The following AFG2A variants were observed in gnomAD, a reference collection of about 807,000 sequenced individuals.
AFG2A encodes the protein AAA ATPase AFG2A, also known as ATPase family gene 2 protein homolog A.
the AFG2A span, among the ~76,000 whole-genome samples, chr4:122,943,359 G>T: frequency 1.2e-3 from 183 of 152,210 alleles, 1 homozygote; most frequent in African/African-American, 3.0e-3. Flanking sequence ...TTAGCTCTTC[G>T]TGTTGAATTG....
the AFG2A span, among the ~76,000 whole-genome samples, chr4:123,156,640 GT>G: frequency 6.6e-6 from 1 of 151,616 alleles, no homozygotes; most frequent in African/African-American, 2.4e-5. Flanking sequence ...ATATGTCTGA[GT>G]ATTATTTTTA....
At chr4:123,057,510 C>G in the AFG2A span, among the ~76,000 whole-genome samples, 3 of 152,034 alleles carry the variant, frequency 2.0e-5, no homozygotes, top group African/African-American at 4.8e-5. Context: ...ACCACTGATA[C>G]CTGTCTGGGC....
chr4:123,255,948 T>A, the AFG2A span: 22 of 1,572,380 alleles, frequency 1.4e-5, no homozygotes, highest in Non-Finnish European at 1.8e-5. Context: ...CATCTTTCCC[T>A]AGGTATCTTT....
chr4:123,071,314 C>G, the AFG2A span, among the ~76,000 whole-genome samples: 9 of 152,222 alleles, frequency 5.9e-5, no homozygotes, highest in Middle Eastern at 6.8e-3. Context: ...AACCCCGTCT[C>G]TACTAAAAAT....
At chr4:123,010,070 A>G in the AFG2A span, among the ~76,000 whole-genome samples, 2 of 152,154 alleles carry the variant, frequency 1.3e-5, no homozygotes, top group African/African-American at 4.8e-5. Context: ...AGATTAGGGA[A>G]GCTAAAATTG....
At chr4:123,081,737 G>A in the AFG2A span, among the ~76,000 whole-genome samples, 1 of 152,088 alleles carries the variant, frequency 6.6e-6, no homozygotes, top group Non-Finnish European at 1.5e-5. Context: ...TTCAAGAGTG[G>A]TTGTACCATT....
chr4:123,007,536 ATATATGTGTATG>A, the AFG2A span, among the ~76,000 whole-genome samples: 827 of 122,896 alleles, frequency 6.7e-3, 11 homozygotes, highest in Non-Finnish European at 0.011. Flanking sequence ...GCCTATATAT[ATATATGTGTATG>A]TATGTGTGTG....
chr4:123,144,068 A>G, the AFG2A span, among the ~76,000 whole-genome samples: 637 of 152,130 alleles, frequency 4.2e-3, 7 homozygotes, highest in Non-Finnish European at 6.5e-3. Flanking sequence ...TGGATAAATG[A>G]ATTAACTTGT....
chr4:123,288,077 C>G, the AFG2A span, among the ~76,000 whole-genome samples: 1 of 151,992 alleles, frequency 6.6e-6, no homozygotes, highest in African/African-American at 2.4e-5. Context: ...TCGCATGCTG[C>G]TGATAGATTA....
At chr4:122,934,782 A>T in the AFG2A span, 11 of 1,519,734 alleles carry the variant, frequency 7.2e-6, no homozygotes, top group Non-Finnish European at 9.7e-6. Context: ...GTTAAATTCA[A>T]ATTAAAAGAC....
chr4:123,223,367 C>G, the AFG2A span, among the ~76,000 whole-genome samples: 1 of 152,108 alleles, frequency 6.6e-6, no homozygotes, highest in East Asian at 1.9e-4. Context: ...AACTCCTTAG[C>G]CCATTTTTAA....
the AFG2A span, among the ~76,000 whole-genome samples, chr4:123,115,387 G>C: frequency 1.3e-5 from 2 of 152,136 alleles, no homozygotes; most frequent in East Asian, 3.9e-4. Flanking sequence ...GGAACTTGGA[G>C]CCGCCAGCAG....
At chr4:123,098,501 T>C in the AFG2A span, among the ~76,000 whole-genome samples, 1 of 151,968 alleles carries the variant, frequency 6.6e-6, no homozygotes, top group Non-Finnish European at 1.5e-5. Flanking sequence ...TTTGTATCCT[T>C]TGACCAATAT....
chr4:123,255,925 G>T, the AFG2A span: 1 of 1,459,346 alleles, frequency 6.9e-7, no homozygotes, highest in South Asian at 1.3e-5. Context: ...TGGATTGTTC[G>T]TGAAATTCCA....
At chr4:122,940,382 G>A in the AFG2A span, among the ~76,000 whole-genome samples, 1 of 152,220 alleles carries the variant, frequency 6.6e-6, no homozygotes, top group Non-Finnish European at 1.5e-5. Flanking sequence ...CTGATGGCCA[G>A]TGATGATGAG....
At chr4:123,026,154 T>C in the AFG2A span, among the ~76,000 whole-genome samples, 2 of 151,660 alleles carry the variant, frequency 1.3e-5, no homozygotes, top group Non-Finnish European at 2.9e-5. Flanking sequence ...TCTGTCTGTC[T>C]GTCTGGAGGA....
the AFG2A span, among the ~76,000 whole-genome samples, chr4:123,207,958 G>T: frequency 6.6e-6 from 1 of 152,026 alleles, no homozygotes; most frequent in Non-Finnish European, 1.5e-5. Context: ...AATGCAAGGG[G>T]CCCCAAATAG....
the AFG2A span, chr4:122,979,190 G>A: frequency 7.5e-6 from 12 of 1,596,026 alleles, no homozygotes; most frequent in South Asian, 2.3e-5. Flanking sequence ...CTGTATTTAT[G>A]AAGGAAAAGA....
the AFG2A span, among the ~76,000 whole-genome samples, chr4:123,082,007 T>A: frequency 2.0e-5 from 3 of 152,190 alleles, no homozygotes; most frequent in Admixed American, 6.5e-5. Flanking sequence ...GTTTTAAGAA[T>A]TCTTTGTATG....
Sources: allele counts gnomAD v4.1 joint callset (sites outside exome capture counted in the v4.1 genomes callset), GRCh38; gene constraint gnomAD v4.1.1; transcripts MANE v1.5; gene names NCBI Gene and HGNC (gene_info 2026-07-23, HGNC 2026-07-21).